Variants in FRMD3 observed in about 807,000 individuals in gnomAD.
The protein encoded by FRMD3 is FERM domain-containing protein 3.
In FRMD3, 33 loss-of-function variants were observed where a neutral mutation model predicts 70.2. That is an observed-to-expected ratio of 0.47 (90% CI 0.36 to 0.63). FRMD3 has a LOEUF of 0.63. Among genes scored for constraint, FRMD3 ranks in the 20% least tolerant of loss-of-function variants. The probability of loss-of-function intolerance (pLI) is 0.00; values close to 1 mark genes in which losing one functional copy is unlikely to be tolerated. For synonymous variants in FRMD3, 279 were observed against 255.9 expected (o/e 1.09, Z -0.86); for missense variants, 632 against 711.4 (o/e 0.89, Z 1.27).
the FRMD3 span, among the ~76,000 whole-genome samples, chr9:83,562,995 A>AC: frequency 6.6e-6 from 1 of 152,064 alleles, no homozygotes; most frequent in Non-Finnish European, 1.5e-5. Context: ...TGAAAAAAAA[A>AC]AAAAAGAATG....
intron 1 of FRMD3, among the ~76,000 whole-genome samples, chr9:83,463,967 G>C (rs955871685): frequency 6.6e-6 from 1 of 152,080 alleles, no homozygotes; most frequent in Non-Finnish European, 1.5e-5. Context: ...GTTCCTCCCA[G>C]CCCTGCTGCC....
At chr9:83,300,066 C>G (rs1834843236) in intron 10 of FRMD3, among the ~76,000 whole-genome samples, 1 of 152,238 alleles carries the variant, frequency 6.6e-6, no homozygotes, top group African/African-American at 2.4e-5. Flanking sequence ...TAAACACACA[C>G]AGACAAAATC....
rs1832065023 is a variant in FRMD3 at position 83,245,793 on chromosome 9, A to C, written c.*2125T>G. 1.0e-6 allele frequency: 1 copy of C among 985,082 alleles called. No individual in the cohort carries two copies. Among genetic ancestry groups the C allele is most frequent in the Admixed American group, 6.1e-5 (1 of 16,264 alleles). 61.0% of individuals were successfully genotyped at this position (985,082 alleles called of 1,614,324 possible). On this transcript the variant is annotated 3_prime_UTR_variant, in exon 14 of 14. Transcript: ENST00000304195. ...GACTACACTAAAGTTGCCTTATGTC[A>C]GAAAGGATGACTTAGAAGTCGTATG...
chr9:83,366,791 A>C (rs1824801155), intron 3 of FRMD3, among the ~76,000 whole-genome samples: 1 of 152,260 alleles, frequency 6.6e-6, no homozygotes, highest in Non-Finnish European at 1.5e-5. Context: ...CCTGTAGAAC[A>C]TACAACATCT....
At chr9:83,531,801 T>G (rs909700245) in intron 1 of FRMD3, among the ~76,000 whole-genome samples, 1 of 152,190 alleles carries the variant, frequency 6.6e-6, no homozygotes, top group East Asian at 1.9e-4. Context: ...TGTATTTGGG[T>G]GATATTTGAA....
intron 13 of FRMD3, among the ~76,000 whole-genome samples, chr9:83,274,992 G>T (rs2118847063): frequency 6.6e-6 from 1 of 152,320 alleles, no homozygotes; most frequent in East Asian, 1.9e-4. Context: ...GGACAGCTGT[G>T]TACATAGTGA....
intron 13 of FRMD3, among the ~76,000 whole-genome samples, chr9:83,257,361 GGGCCTGTC>G (rs1832757783): frequency 6.6e-6 from 1 of 152,072 alleles, no homozygotes; most frequent in Non-Finnish European, 1.5e-5. Flanking sequence ...ACACACACTG[GGGCCTGTC>G]GGCAGGGGGT....
intron 5 of FRMD3, among the ~76,000 whole-genome samples, chr9:83,339,931 A>C (rs1024522485): frequency 6.6e-6 from 1 of 152,224 alleles, no homozygotes; most frequent in Non-Finnish European, 1.5e-5. Flanking sequence ...TAAATGAATC[A>C]GGCACAGTCA....
At chr9:83,415,620 T>TTTC (rs201852735) in intron 1 of FRMD3, among the ~76,000 whole-genome samples, 1 of 148,440 alleles carries the variant, frequency 6.7e-6, no homozygotes, top group Non-Finnish European at 1.5e-5. Context: ...TTTTCTTTTT[T>TTTC]TTTTTTTTTT....
chr9:83,315,781 C>T (rs528722145), intron 6 of FRMD3, among the ~76,000 whole-genome samples: 3 of 152,136 alleles, frequency 2.0e-5, no homozygotes, highest in Non-Finnish European at 2.9e-5. Flanking sequence ...GACTGGGGGC[C>T]GAAGGTTCTA....
At chr9:83,510,400 T>C (rs1829311841) in intron 1 of FRMD3, among the ~76,000 whole-genome samples, 2 of 152,202 alleles carry the variant, frequency 1.3e-5, no homozygotes, top group Admixed American at 1.3e-4. Flanking sequence ...CATGTGGAGA[T>C]GTCAGGATCC....
At chr9:83,469,523 G>A (rs1470466089) in intron 1 of FRMD3, among the ~76,000 whole-genome samples, 2 of 152,308 alleles carry the variant, frequency 1.3e-5, no homozygotes, top group East Asian at 1.9e-4. Context: ...TGAGAAAAAG[G>A]AGTCATCTCT....
At chr9:83,327,433 A>G (rs1052666750) in intron 6 of FRMD3, among the ~76,000 whole-genome samples, 18 of 152,162 alleles carry the variant, frequency 1.2e-4, no homozygotes, top group African/African-American at 4.1e-4. Flanking sequence ...TTCATGTGGA[A>G]TGTGGGCTGG....
At chr9:83,419,312 A>G (rs554370584) in intron 1 of FRMD3, among the ~76,000 whole-genome samples, 66 of 152,300 alleles carry the variant, frequency 4.3e-4, no homozygotes, top group South Asian at 1.2e-3. Context: ...TGCCCAAATA[A>G]GATTAACCAT....
At chr9:83,294,557 C>A (rs1269528245) in intron 12 of FRMD3, among the ~76,000 whole-genome samples, 1 of 152,160 alleles carries the variant, frequency 6.6e-6, no homozygotes, top group East Asian at 1.9e-4. Context: ...TTTTCATTTG[C>A]AAAGTTGTTT....
chr9:83,495,558 C>T (rs768572690), intron 1 of FRMD3, among the ~76,000 whole-genome samples: 6 of 152,184 alleles, frequency 3.9e-5, no homozygotes, highest in East Asian at 1.9e-4. Context: ...GGAGTTATTA[C>T]GTATTATTTC....
intron 1 of FRMD3, among the ~76,000 whole-genome samples, chr9:83,440,932 G>C (rs1321236882): frequency 4.6e-5 from 7 of 152,184 alleles, no homozygotes; most frequent in Non-Finnish European, 8.8e-5. Context: ...GTGCTTTCCA[G>C]CTCCATTTGC....
At chr9:83,584,318 A>G in the FRMD3 span, among the ~76,000 whole-genome samples, 1 of 152,078 alleles carries the variant, frequency 6.6e-6, no homozygotes, top group Non-Finnish European at 1.5e-5. Flanking sequence ...TCAAAAAAAT[A>G]AAATAAATAA....
intron 2 of FRMD3, among the ~76,000 whole-genome samples, chr9:83,373,484 T>A (rs1444975974): frequency 6.6e-6 from 1 of 152,126 alleles, no homozygotes; most frequent in Non-Finnish European, 1.5e-5. Flanking sequence ...ATCTTAAATA[T>A]CTCATTTTCA....
Sources: gnomAD v4.1 joint callset for allele counts (sites outside exome capture counted in the v4.1 genomes callset) on GRCh38, gnomAD v4.1.1 for gene constraint, MANE v1.5 for transcripts, NCBI Gene and HGNC (gene_info 2026-07-23, HGNC 2026-07-21) for gene names.